The following SPIDR variants were observed in gnomAD, a reference collection of about 807,000 sequenced individuals.
SPIDR encodes scaffold protein involved in DNA repair, also known as DNA repair-scaffolding protein.
In SPIDR, 93 loss-of-function variants were observed where a neutral mutation model predicts 104.6. That is an observed-to-expected ratio of 0.89 (90% CI 0.75 to 1.06). SPIDR has a LOEUF of 1.06. SPIDR is among the 50% of genes least tolerant of loss of function. SPIDR has a pLI of 0.00. For synonymous variants in SPIDR, 431 were observed against 416.9 expected (o/e 1.03, Z -0.41); for missense variants, 1,154 against 1,111.2 (o/e 1.04, Z -0.55).
chr8:47,374,480 G>T (rs1554641055), intron 5 of SPIDR, among the ~76,000 whole-genome samples: 2 of 152,068 alleles, frequency 1.3e-5, no homozygotes, highest in African/African-American at 4.8e-5. Flanking sequence ...TCCCATTTTG[G>T]TTATATTTTC....
intron 8 of SPIDR, among the ~76,000 whole-genome samples, chr8:47,550,482 A>AT (rs1450974239): frequency 1.3e-5 from 2 of 152,182 alleles, no homozygotes; most frequent in African/African-American, 4.8e-5. Flanking sequence ...GGTCCTTCAC[A>AT]TCCCTAGTAA....
At chr8:47,659,652 C>G (rs1419073605) in intron 10 of SPIDR, 3 of 946,286 alleles carry the variant, frequency 3.2e-6, no homozygotes, top group Non-Finnish European at 1.2e-6. Flanking sequence ...TCTGGCCCTT[C>G]TCGCCCCCGC....
intron 5 of SPIDR, among the ~76,000 whole-genome samples, chr8:47,337,183 A>G (rs1443834262): frequency 2.6e-5 from 4 of 152,072 alleles, no homozygotes; most frequent in African/African-American, 9.7e-5. Context: ...GCTGGAGTGC[A>G]GGGGTCTGAT....
chr8:47,626,297 C>T (rs2066092283), intron 10 of SPIDR, among the ~76,000 whole-genome samples: 1 of 152,128 alleles, frequency 6.6e-6, no homozygotes, highest in African/African-American at 2.4e-5. Flanking sequence ...AGAAGAAAAC[C>T]TAGGCAATAC....
At chr8:47,440,633 A>G (rs781788356) in intron 8 of SPIDR, 91 bp downstream of exon 8, 19 of 1,309,754 alleles carry the variant, frequency 1.5e-5, no homozygotes, top group Non-Finnish European at 2.0e-5. Flanking sequence ...TTGTCACTTT[A>G]TCATAGAGCA....
intron 8 of SPIDR, chr8:47,592,402 G>A (rs1451674534): frequency 1.4e-6 from 2 of 1,411,546 alleles, no homozygotes; most frequent in South Asian, 2.3e-5. Flanking sequence ...GAAACATACT[G>A]TAGGGGCTGC....
At chr8:47,322,868 C>A (rs2046972908) in intron 5 of SPIDR, among the ~76,000 whole-genome samples, 1 of 151,806 alleles carries the variant, frequency 6.6e-6, no homozygotes, top group African/African-American at 2.4e-5. Flanking sequence ...TGTTCTCACT[C>A]ATAGGTGGGA....
chr8:47,374,213 A>G (rs2058383346), intron 5 of SPIDR, among the ~76,000 whole-genome samples: 1 of 152,214 alleles, frequency 6.6e-6, no homozygotes, highest in Admixed American at 6.5e-5. Context: ...GATAATAGTA[A>G]GCAGTTCCAT....
chr8:47,338,535 T>G (rs1257706173), intron 5 of SPIDR, among the ~76,000 whole-genome samples: 1 of 152,184 alleles, frequency 6.6e-6, no homozygotes, highest in African/African-American at 2.4e-5. Flanking sequence ...AATACTAGTG[T>G]TGTTGCCTTT....
chr8:47,364,420 C>T (rs1467866091), intron 5 of SPIDR, among the ~76,000 whole-genome samples: 5 of 152,156 alleles, frequency 3.3e-5, no homozygotes, highest in Non-Finnish European at 7.3e-5. Context: ...ATCAAAAGAA[C>T]CCTGGCTCTT....
At chr8:47,660,448 T>C (rs1216816036) in intron 10 of SPIDR, 2 of 985,320 alleles carry the variant, frequency 2.0e-6, no homozygotes, top group Admixed American at 1.2e-4. Flanking sequence ...GGTCCAGGCC[T>C]CACCCTCATG....
intron 8 of SPIDR, among the ~76,000 whole-genome samples, chr8:47,560,159 A>G (rs976260027): frequency 6.6e-6 from 1 of 152,208 alleles, no homozygotes; most frequent in African/African-American, 2.4e-5. Context: ...ATGAGATGCA[A>G]CTGTCAGTGT....
chr8:47,534,940 T>C (rs1414293113), intron 8 of SPIDR, among the ~76,000 whole-genome samples: 1 of 152,062 alleles, frequency 6.6e-6, no homozygotes, highest in African/African-American at 2.4e-5. Flanking sequence ...AAATTACTAA[T>C]ATCCACAGTG....
At chr8:47,476,748 C>G (rs1229150025) in intron 8 of SPIDR, among the ~76,000 whole-genome samples, 1 of 152,168 alleles carries the variant, frequency 6.6e-6, no homozygotes, top group Non-Finnish European at 1.5e-5. Context: ...TAGAAAAATA[C>G]CAGGATTCAC....
intron 7 of SPIDR, among the ~76,000 whole-genome samples, chr8:47,438,430 G>C (rs911459395): frequency 2.0e-5 from 3 of 152,166 alleles, no homozygotes; most frequent in African/African-American, 7.2e-5. Flanking sequence ...ACACTGCTCT[G>C]GCTGCCCTGC....
chr8:47,413,596 A>G (rs2063821023), intron 7 of SPIDR, among the ~76,000 whole-genome samples: 1 of 152,206 alleles, frequency 6.6e-6, no homozygotes, highest in Non-Finnish European at 1.5e-5. Flanking sequence ...CAAATTGTAA[A>G]TATCTTCCAA....
At chr8:47,662,235 G>A (rs1480928564) in intron 10 of SPIDR, among the ~76,000 whole-genome samples, 4 of 152,150 alleles carry the variant, frequency 2.6e-5, no homozygotes, top group Admixed American at 6.5e-5. Context: ...CTGAGGACTG[G>A]GACCAGGCGT....
intron 7 of SPIDR, among the ~76,000 whole-genome samples, chr8:47,408,967 CAT>C (rs1303151089): frequency 6.6e-6 from 1 of 152,202 alleles, no homozygotes; most frequent in Non-Finnish European, 1.5e-5. Context: ...GCGGGCAGAT[CAT>C]GAGGTCAAGA....
At chr8:47,511,165 TC>T in intron 8 of SPIDR, 1 of 1,565,098 alleles carries the variant, frequency 6.4e-7, no homozygotes, top group Non-Finnish European at 8.8e-7. Flanking sequence ...TGGCCGGGCA[TC>T]CACAATGAAG....
Sources: allele counts gnomAD v4.1 joint callset (sites outside exome capture counted in the v4.1 genomes callset), GRCh38; gene constraint gnomAD v4.1.1; transcripts MANE v1.5; gene names NCBI Gene and HGNC (gene_info 2026-07-23, HGNC 2026-07-21).